The following ILDR2 variants were observed in gnomAD, a reference collection of about 807,000 sequenced individuals.
The protein encoded by ILDR2 is immunoglobulin like domain containing receptor 2.
ILDR2 carries 25 observed loss-of-function variants against 66.8 expected under a neutral mutation model. That is an observed-to-expected ratio of 0.37 (90% confidence interval 0.27 to 0.52). The LOEUF is 0.52. Among genes scored for constraint, ILDR2 ranks in the 20% least tolerant of loss-of-function variants. ILDR2 has a pLI of 0.88. For synonymous variants in ILDR2, 367 were observed against 357.2 expected, an observed-to-expected ratio of 1.03 and a Z score of -0.31; for missense variants, 827 against 876.8, an observed-to-expected ratio of 0.94 and a Z score of 0.72.
At chr1:166,945,784 C>T (rs1206160419) in intron 3 of ILDR2, among the ~76,000 whole-genome samples, 1 of 152,232 alleles carries the variant, frequency 6.6e-6, no homozygotes, top group Non-Finnish European at 1.5e-5. Flanking sequence ...CCACTGCTGA[C>T]AGCAGAGTTA....
chr1:166,967,443 A>G (rs538584290), intron 1 of ILDR2, among the ~76,000 whole-genome samples: 1 of 152,218 alleles, frequency 6.6e-6, no homozygotes, highest in South Asian at 2.1e-4. Context: ...GGGAGGGGAA[A>G]CTTCATCTTC....
intron 1 of ILDR2, among the ~76,000 whole-genome samples, chr1:166,960,192 G>A (rs1484656935): frequency 2.6e-5 from 4 of 152,176 alleles, no homozygotes; most frequent in Admixed American, 6.5e-5. Context: ...TCTGCATTCT[G>A]TAACATCTGG....
Position 166,920,718 on chromosome 1 carries a change from C to T in ILDR2, c.1873G>A (p.Ala625Thr), listed in dbSNP as rs375231605. 7.0e-7 allele frequency: 1 copy of T among 1,420,724 alleles called. No homozygotes were observed. Among genetic ancestry groups the T allele is most frequent in the Non-Finnish European group, 9.2e-7 (1 of 1,083,282 alleles). 88.0% of individuals were successfully genotyped at this position (1,420,724 alleles called of 1,614,324 possible). ...NSEKKRKKEP[A>T]KKTNDFPTRM... The stretch of plus-strand genomic sequence containing the variant: ...AGACGCAGTCTCACGGTTTTCTTGG[C>T]GGGCTCCTTTTTCCTCTTCTTCTCC... Residue 625 changes from alanine to threonine, a missense_variant, in exon 9 of 10, where the codon GCC becomes ACC. Ala to Thr is a moderately conservative substitution (Grantham distance 58). Coordinates refer to ENST00000271417, the MANE Select transcript of ILDR2 (RefSeq NM_199351.3).
chr1:166,957,224 C>T (rs571020736), intron 2 of ILDR2, among the ~76,000 whole-genome samples: 1 of 152,296 alleles, frequency 6.6e-6, no homozygotes, highest in Admixed American at 6.5e-5. Flanking sequence ...CTTCAAAATT[C>T]AAATAATCGA....
chr1:166,904,356 C>T (rs1659307394), downstream of ILDR2, among the ~76,000 whole-genome samples: 1 of 152,218 alleles, frequency 6.6e-6, no homozygotes, highest in African/African-American at 2.4e-5. Flanking sequence ...TCTGCAGGCC[C>T]TTCTTACCAC....
intron 7 of ILDR2, 141 bp from the exon 8 acceptor site, chr1:166,922,950 C>A: frequency 1.5e-6 from 1 of 685,418 alleles, no homozygotes; most frequent in Non-Finnish European, 2.5e-6. Context: ...TAAGCCTGAA[C>A]TAGTGGTGTT....
chr1:166,906,053 T>C (rs1443161669), downstream of ILDR2, among the ~76,000 whole-genome samples: 2 of 152,216 alleles, frequency 1.3e-5, no homozygotes, highest in South Asian at 2.1e-4. Context: ...CTGGCTGAGA[T>C]GTGACCTGGA....
chr1:166,933,467 T>A, intron 6 of ILDR2: 1 of 715,350 alleles, frequency 1.4e-6, no homozygotes, highest in Non-Finnish European at 1.7e-6. Flanking sequence ...CCTGAACTGT[T>A]CTATTAACCA....
intron 1 of ILDR2, among the ~76,000 whole-genome samples, chr1:166,967,186 C>G (rs548347894): frequency 6.6e-6 from 1 of 152,344 alleles, no homozygotes; most frequent in Admixed American, 6.5e-5. Context: ...TCTCTCAAAA[C>G]AAGTGGCTTG....
rs1659582730 is a variant in ILDR2 at position 166,914,853 on chromosome 1, T to C, written c.*4502A>G. 6.6e-6 allele frequency: 1 copy of C among 152,218 alleles called. No homozygotes were observed. 9.4% of individuals were successfully genotyped at this position (152,218 alleles called of 1,614,324 possible). ...AATCAATTTCAGACTTCCATTAAGA[T>C]GCTGGCAGCATTTAAATCTGATTTT... On this transcript the variant is annotated 3_prime_UTR_variant, in exon 10 of 10. Transcript: ENST00000271417.
At chr1:166,970,458 C>A (rs1434175067) in intron 1 of ILDR2, among the ~76,000 whole-genome samples, 1 of 152,104 alleles carries the variant, frequency 6.6e-6, no homozygotes, top group African/African-American at 2.4e-5. Flanking sequence ...AATTTCAGAA[C>A]CCTAGAATCT....
chr1:166,964,665 C>T (rs1346398766), intron 1 of ILDR2, among the ~76,000 whole-genome samples: 2 of 152,148 alleles, frequency 1.3e-5, no homozygotes, highest in African/African-American at 4.8e-5. Flanking sequence ...TCTCCCCCAT[C>T]TCAGCCCCCA....
intron 3 of ILDR2, among the ~76,000 whole-genome samples, chr1:166,949,822 A>G: frequency 6.6e-6 from 1 of 152,230 alleles, no homozygotes; most frequent in Non-Finnish European, 1.5e-5. Context: ...CAGCAGAGGC[A>G]TCTAGGTAAG....
At chr1:166,941,167 A>T (rs1327173017) in intron 3 of ILDR2, among the ~76,000 whole-genome samples, 1 of 152,204 alleles carries the variant, frequency 6.6e-6, no homozygotes, top group East Asian at 1.9e-4. Flanking sequence ...AAGGTAAGGA[A>T]GTATGGGATG....
At chr1:166,924,479 TA>T (rs1229649294) in intron 7 of ILDR2, among the ~76,000 whole-genome samples, 1 of 152,240 alleles carries the variant, frequency 6.6e-6, no homozygotes, top group Non-Finnish European at 1.5e-5. Context: ...TATATTGTGC[TA>T]AAATTTCTGC....
At position 166,920,956 on chromosome 1, in the gene ILDR2, ACCGCGGCTGGCGCCCTCGGG is replaced by A; in HGVS notation, c.1615_1634del (p.Pro539TrpfsTer85). 6.7e-7 allele frequency: 1 copy of A among 1,483,958 alleles called. No homozygotes were observed. Among genetic ancestry groups the A allele is most frequent in the Non-Finnish European group, 8.9e-7 (1 of 1,127,354 alleles). The allele number at this position is 1,483,958 out of a possible 1,614,324, so 91.9% of individuals were successfully genotyped here. On this transcript the variant is annotated frameshift_variant, in exon 9 of 10. Coordinates refer to ENST00000271417, the MANE Select transcript of ILDR2 (RefSeq NM_199351.3). LOFTEE classifies it high-confidence loss of function. The stretch of plus-strand genomic sequence containing the variant: ...GCTTGGATGGCGTCTCCAGGCTGCC[ACCGCGGCTGGCGCCCTCGGG>A]CCGCGCCTGGCGCTCCCGCGCGCTG...
At chr1:166,927,020 T>C in intron 7 of ILDR2, 47 bp downstream of exon 7, 7 of 1,380,746 alleles carry the variant, frequency 5.1e-6, no homozygotes, top group Non-Finnish European at 7.1e-6. Flanking sequence ...CTTTACACAC[T>C]AACTCCTGCA....
rs1659424415 is a variant in ILDR2 at position 166,909,746 on chromosome 1, T to TATATATATATAAATATATATAA, written c.*9608_*9609insTTATATATATTTATATATATAT. Reference sequence around the variant, plus strand: ...GTGTGTGTATACATACATATATATATATATATATATATAAATATATATAAA... The same window carrying TATATATATATAAATATATATAA: ...GTGTGTGTATACATACATATATATATATATATATATAAATATATATAAATATATATATATAAATATATATAAA... On this transcript the variant is annotated 3_prime_UTR_variant, in exon 10 of 10. Transcript: ENST00000271417. The TATATATATATAAATATATATAA allele has an allele frequency of 9.0e-6, 1 of 111,108 alleles. No individual in the cohort carries two copies. Among genetic ancestry groups the TATATATATATAAATATATATAA allele is most frequent in the Non-Finnish European group, 1.7e-5 (1 of 59,342 alleles). 6.9% of individuals were successfully genotyped at this position (111,108 alleles called of 1,614,324 possible). A position where few individuals can be genotyped will look rare whatever the true frequency, so the allele number is the denominator to read the frequency against.
Position 166,909,308 on chromosome 1 carries a change from T to A in ILDR2, c.*10047A>T, listed in dbSNP as rs1046622368. ...TATCCTCACTGAGAAAATGTATTGA[T>A]GTAAAAACACAAGTAGGTGTGGATG... On this transcript the variant is annotated 3_prime_UTR_variant, in exon 10 of 10. Transcript: ENST00000271417. 1 of 152,156 alleles carries A rather than the reference T, an allele frequency of 6.6e-6. No individual in the cohort carries two copies. Among genetic ancestry groups the A allele is most frequent in the Non-Finnish European group, 1.5e-5 (1 of 68,030 alleles). 9.4% of individuals were successfully genotyped at this position (152,156 alleles called of 1,614,324 possible). A position where few individuals can be genotyped will look rare whatever the true frequency, so the allele number is the denominator to read the frequency against.
Sources: allele counts gnomAD v4.1 joint callset (sites outside exome capture counted in the v4.1 genomes callset), GRCh38; gene constraint gnomAD v4.1.1; transcripts MANE v1.5; gene names NCBI Gene and HGNC (gene_info 2026-07-23, HGNC 2026-07-21).